Variants in NCAM2 observed in about 807,000 individuals in gnomAD.
NCAM2 encodes neural cell adhesion molecule 2.
Under a neutral mutation model 98.1 loss-of-function variants are expected in NCAM2, and 30 were observed. The ratio of observed to expected loss-of-function variants is 0.31; its 90% CI spans 0.23 to 0.41. The LOEUF (loss-of-function observed/expected upper bound fraction) is 0.41, where lower values mean the gene tolerates loss of function less well. Ranked by LOEUF, NCAM2 falls within the 10% of genes least tolerant of loss-of-function variation. NCAM2 has a pLI of 1.00. For synonymous variants in NCAM2, 368 were observed against 342.4 expected, an observed-to-expected ratio of 1.07 and a Z score of -0.83; for missense variants, 867 against 1,005.8, an observed-to-expected ratio of 0.86 and a Z score of 1.87.
intron 1 of NCAM2, among the ~76,000 whole-genome samples, chr21:21,181,258 T>G (rs2068458496): frequency 6.6e-6 from 1 of 152,146 alleles, no homozygotes; most frequent in Non-Finnish European, 1.5e-5. Flanking sequence ...TCATCTTTAA[T>G]ATATACAGCT....
intron 15 of NCAM2, among the ~76,000 whole-genome samples, chr21:21,486,080 GATC>G (rs1231995990): frequency 1.3e-5 from 2 of 151,962 alleles, no homozygotes; most frequent in Non-Finnish European, 2.9e-5. Context: ...GAGGCAGGTG[GATC>G]ACGAGGTCAG....
intron 9 of NCAM2, among the ~76,000 whole-genome samples, chr21:21,388,150 A>T (rs2076308054): frequency 6.6e-6 from 1 of 152,204 alleles, no homozygotes; most frequent in South Asian, 2.1e-4. Flanking sequence ...AGCACAAGAA[A>T]ACAAGCCCGA....
At chr21:21,425,230 TG>T (rs1166029905) in intron 11 of NCAM2, among the ~76,000 whole-genome samples, 1 of 151,736 alleles carries the variant, frequency 6.6e-6, no homozygotes, top group Non-Finnish European at 1.5e-5. Flanking sequence ...ACCTGCACGT[TG>T]TGTACATGTA....
chr21:21,170,114 T>A (rs1002465835), intron 1 of NCAM2, among the ~76,000 whole-genome samples: 21 of 152,158 alleles, frequency 1.4e-4, no homozygotes, highest in African/African-American at 4.6e-4. Context: ...AAAGTGCTAG[T>A]GAGGGTGTGG....
intron 15 of NCAM2, among the ~76,000 whole-genome samples, chr21:21,489,000 T>C (rs1021423166): frequency 1.3e-5 from 2 of 152,118 alleles, no homozygotes; most frequent in South Asian, 2.1e-4. Context: ...TTTATTTTTT[T>C]ATTTTCTTGA....
At chr21:21,460,953 T>C (rs1401073215) in intron 12 of NCAM2, among the ~76,000 whole-genome samples, 1 of 151,692 alleles carries the variant, frequency 6.6e-6, no homozygotes, top group Admixed American at 6.6e-5. Context: ...AATTAAAAAG[T>C]TTGTGGCAGA....
intron 1 of NCAM2, among the ~76,000 whole-genome samples, chr21:21,164,956 G>A (rs1166835581): frequency 6.6e-6 from 1 of 152,070 alleles, no homozygotes; most frequent in African/African-American, 2.4e-5. Context: ...GATTGAATTT[G>A]TATCATATAC....
chr21:21,291,186 C>A (rs2073279251), intron 4 of NCAM2, among the ~76,000 whole-genome samples: 1 of 151,752 alleles, frequency 6.6e-6, no homozygotes, highest in South Asian at 2.1e-4. Context: ...CAGTATCCAG[C>A]AAACAGATAA....
chr21:21,383,182 GA>G (rs2076196168), intron 9 of NCAM2, among the ~76,000 whole-genome samples: 2 of 152,072 alleles, frequency 1.3e-5, no homozygotes, highest in Admixed American at 1.3e-4. Context: ...AATATGTGGG[GA>G]TTTTATTTTT....
chr21:21,080,068 A>G (rs539613442), intron 1 of NCAM2, among the ~76,000 whole-genome samples: 1 of 150,950 alleles, frequency 6.6e-6, no homozygotes, highest in South Asian at 2.1e-4. Context: ...AAGTGTTCTT[A>G]TACATGCAAA....
chr21:21,299,173 CTT>C (rs1274089089), intron 5 of NCAM2, among the ~76,000 whole-genome samples: 1 of 151,566 alleles, frequency 6.6e-6, no homozygotes, highest in African/African-American at 2.4e-5. Context: ...GTCTAAATAA[CTT>C]TGGAGAGACA....
chr21:21,017,701 A>G (rs1206142156), intron 1 of NCAM2, among the ~76,000 whole-genome samples: 1 of 152,120 alleles, frequency 6.6e-6, no homozygotes, highest in Non-Finnish European at 1.5e-5. Flanking sequence ...GTATGAAACT[A>G]TGCACGCGCT....
At chr21:21,388,390 G>A (rs188219872) in intron 9 of NCAM2, among the ~76,000 whole-genome samples, 1 of 152,252 alleles carries the variant, frequency 6.6e-6, no homozygotes, top group East Asian at 1.9e-4. Flanking sequence ...TGTAGGAAAA[G>A]TACATTCCAG....
At chr21:21,186,690 A>G (rs1398638152) in intron 1 of NCAM2, among the ~76,000 whole-genome samples, 2 of 152,180 alleles carry the variant, frequency 1.3e-5, no homozygotes, top group East Asian at 1.9e-4. Context: ...AGTAGATCCT[A>G]TGCTTGTAAT....
At chr21:21,080,315 AC>A (rs1166659208) in intron 1 of NCAM2, among the ~76,000 whole-genome samples, 1 of 152,106 alleles carries the variant, frequency 6.6e-6, no homozygotes, top group African/African-American at 2.4e-5. Flanking sequence ...TTTCGCCTTT[AC>A]CCCAATTAAA....
chr21:21,312,144 A>T (rs2147724630), intron 5 of NCAM2, among the ~76,000 whole-genome samples: 1 of 152,144 alleles, frequency 6.6e-6, no homozygotes, highest in South Asian at 2.1e-4. Context: ...ATTTTTTGGC[A>T]GGTGTTTTTC....
intron 1 of NCAM2, among the ~76,000 whole-genome samples, chr21:21,170,375 A>T (rs1185661040): frequency 6.6e-6 from 1 of 152,224 alleles, no homozygotes; most frequent in East Asian, 1.9e-4. Flanking sequence ...CAGATAATGG[A>T]ATATTATTCA....
chr21:21,372,051 T>C (rs896105232), intron 8 of NCAM2, among the ~76,000 whole-genome samples: 15 of 151,746 alleles, frequency 9.9e-5, no homozygotes, highest in African/African-American at 3.6e-4. Context: ...TGAACTCTAA[T>C]TGGATTCTAA....
intron 1 of NCAM2, among the ~76,000 whole-genome samples, chr21:21,267,824 C>T (rs1247563133): frequency 6.6e-6 from 1 of 152,074 alleles, no homozygotes; most frequent in Non-Finnish European, 1.5e-5. Flanking sequence ...GTATTGAATT[C>T]ACAGTTTTAT....
Sources: allele counts gnomAD v4.1 joint callset (sites outside exome capture counted in the v4.1 genomes callset), GRCh38; gene constraint gnomAD v4.1.1; transcripts MANE v1.5; gene names NCBI Gene and HGNC (gene_info 2026-07-23, HGNC 2026-07-21).